IGSF9: variants seen among roughly 807,000 people sequenced by gnomAD.
The protein encoded by IGSF9 is protein turtle homolog A.
IGSF9 carries 87 observed loss-of-function variants against 121.7 expected under a neutral mutation model. The observed-to-expected ratio is 0.71, with a 90% CI of 0.60 to 0.85. The LOEUF is 0.85. Among genes scored for constraint, IGSF9 ranks in the 40% least tolerant of loss-of-function variants. The probability of loss-of-function intolerance (pLI) is 0.00; values close to 1 mark genes in which losing one functional copy is unlikely to be tolerated. For missense variants in IGSF9, 1,462 were observed against 1,565.3 expected (o/e 0.93, Z 1.11); for synonymous variants, 640 against 648.4 (o/e 0.99, Z 0.20).
chr1:159,939,989 T>C (rs1288785464), intron 3 of IGSF9, among the ~76,000 whole-genome samples: 1 of 152,186 alleles, frequency 6.6e-6, no homozygotes, highest in Non-Finnish European at 1.5e-5. Flanking sequence ...CATGATACTT[T>C]TCATTATAGC....
chr1:159,933,781 C>G, intron 9 of IGSF9: 1 of 257,824 alleles, frequency 3.9e-6, no homozygotes, highest in Non-Finnish European at 7.6e-6. Context: ...GTCCTCTGCC[C>G]AGATGGTGCC....
At position 159,936,764 on chromosome 1, in the gene IGSF9, C is replaced by T. The variant is rs747687638; in HGVS notation, c.545G>A (p.Gly182Asp). The change falls in exon 5 of 21, where the codon GGC becomes GAC. Residue 182 changes from glycine (G) to aspartate (D), a missense_variant. Coordinates refer to ENST00000368094, the MANE Select transcript of IGSF9 (RefSeq NM_001135050.2). ...LRGKDLGQGQ[G>D]QVQVQNGTLR... ...ACCCCCAGGACTCACTTGCACCTGG[C>T]CCTGGCCCTGGCCAAGGTCCTTTCC... is the stretch of plus-strand genomic sequence containing the variant. 1.9e-6 allele frequency: 3 copies of T among 1,614,134 alleles called. No homozygotes were observed. The highest frequency in any genetic ancestry group is 3.3e-4 in the Middle Eastern group (2 of 6,058).
At chr1:159,937,965 T>A in intron 3 of IGSF9, 127 bp from the exon 4 acceptor site, 1 of 1,030,110 alleles carries the variant, frequency 9.7e-7, no homozygotes, top group Non-Finnish European at 1.4e-6. Flanking sequence ...GAGTGTGGGG[T>A]CCAGAGAGAC....
intron 6 of IGSF9, 64 bp from the exon 7 acceptor site, chr1:159,934,886 AC>A (rs1651133606): frequency 6.3e-7 from 1 of 1,585,524 alleles, no homozygotes; most frequent in Non-Finnish European, 8.6e-7. Flanking sequence ...CCCTGAGGTC[AC>A]CTCTACAACT....
intron 4 of IGSF9, among the ~76,000 whole-genome samples, chr1:159,937,471 G>T (rs1651231531): frequency 6.6e-6 from 1 of 152,020 alleles, no homozygotes; most frequent in Non-Finnish European, 1.5e-5. Context: ...AAGGCTGATT[G>T]AATTTATATT....
rs757785003 is a variant in IGSF9, at chr1:159,931,591, G to GC, written c.1374dup (p.Leu459AlafsTer49). On this transcript the variant is annotated frameshift_variant, in exon 12 of 21. Transcript: ENST00000368094. LOFTEE classifies it high-confidence loss of function. The surrounding 1 kb of genome is among the most constrained non-coding windows in gnomAD (Gnocchi z 4.8). ...CTGTCCACCTGGGCCTGGCCTTGCA[G>GC]CCCCCGGCCCACCTACAGAACCACT... 1.2e-6 allele frequency: 2 copies of GC among 1,613,824 alleles called. No homozygotes were observed. Among genetic ancestry groups the GC allele is most frequent in the Non-Finnish European group, 1.7e-6 (2 of 1,179,950 alleles).
intron 19 of IGSF9, 100 bp from the exon 20 acceptor site, chr1:159,927,987 A>T (rs962704229): frequency 6.6e-6 from 10 of 1,504,434 alleles, no homozygotes; most frequent in African/African-American, 1.4e-5. Context: ...ACGTTAGGTC[A>T]TGGGTTTCCC....
chr1:159,943,276 T>C lies in IGSF9; in HGVS notation c.58+121A>G, dbSNP rs1018760837. 8 of 1,329,116 alleles carry C rather than the reference T, an allele frequency of 6.0e-6. No homozygotes were observed. In the African/African-American group the frequency reaches 1.0e-4, roughly 17 times the overall value. 82.3% of individuals were successfully genotyped at this position (1,329,116 alleles called of 1,614,324 possible). A position where few individuals can be genotyped will look rare whatever the true frequency, so the allele number is the denominator to read the frequency against. On this transcript the variant is annotated intron_variant, in intron 2 of 20. Coordinates refer to ENST00000368094, the MANE Select transcript of IGSF9 (RefSeq NM_001135050.2). ...GACTGGAGAAACCCCCAGTTCAGCT[T>C]CTCCAGAACCAGCCCTATTCCTCCC...
chr1:159,929,986 G>T lies in IGSF9; in HGVS notation c.2065-11C>A, dbSNP rs751451931. ...CTCGTAGAGAACATCCTGCGATGGG[G>T]ATGGGGTACCAGGAGGGAGGTCAGG... On this transcript the variant is annotated splice_polypyrimidine_tract_variant and intron_variant, in intron 15 of 20. Coordinates refer to ENST00000368094, the MANE Select transcript of IGSF9 (RefSeq NM_001135050.2). 7.5e-6 allele frequency: 12 copies of T among 1,592,976 alleles called. 1 individual carries two copies. Among genetic ancestry groups the T allele is most frequent in the Middle Eastern group, 3.3e-4 (2 of 6,046 alleles).
Position 159,930,258 on chromosome 1 carries a change from C to T in IGSF9, c.1995G>A (p.Gln665=). 6.2e-7 allele frequency: 1 copy of T among 1,613,872 alleles called. No homozygotes were observed. Among genetic ancestry groups the T allele is most frequent in the African/African-American group, 1.3e-5 (1 of 74,958 alleles). Residue 665 remains glutamine, a synonymous_variant, in exon 15 of 21, where the codon CAG becomes CAA. Coordinates refer to ENST00000368094, the MANE Select transcript of IGSF9 (RefSeq NM_001135050.2). ...GYVLEGRQGS[Q]GWEVLDPAVA... ...CAGCCGGGTCCAGCACCTCCCAGCC[C>T]TGGGAGCCTTGCCGGCCTTCCAAGA...
chr1:159,934,403 G>A (rs1302929104), intron 8 of IGSF9, 22 bp downstream of exon 8: 1 of 1,570,920 alleles, frequency 6.4e-7, no homozygotes, highest in Non-Finnish European at 8.6e-7. Context: ...CAGGCTGAGG[G>A]AGAAGCTGGG....
chr1:159,928,065 G>C, intron 19 of IGSF9, 93 bp downstream of exon 19: 1 of 1,508,932 alleles, frequency 6.6e-7, no homozygotes. Context: ...CAGGGTGGGA[G>C]TGGAGCAGAG....
At chr1:159,934,595 G>A in intron 7 of IGSF9, 25 bp from the exon 8 acceptor site, 7 of 1,613,268 alleles carry the variant, frequency 4.3e-6, no homozygotes, top group South Asian at 1.1e-5. Context: ...GTGTGAGGAG[G>A]GGTCCAGGCC....
rs577004141 is a variant in IGSF9, at chr1:159,932,323, C to G, written c.1245+189G>C. ...TGTGTGTGACTGATGTCCCACCTCC[C>G]GAGCACCACCTCTGCAGAAACCTCT... On this transcript the variant is annotated intron_variant, in intron 10 of 20. Coordinates refer to ENST00000368094, the MANE Select transcript of IGSF9 (RefSeq NM_001135050.2). This position sits in a 1 kb window ranked among gnomAD's most constrained non-coding sequence, Gnocchi z 4.1. The G allele has an allele frequency of 1.6e-6, 1 of 620,654 alleles. No individual in the cohort carries two copies. The highest frequency in any genetic ancestry group is 2.9e-5 in the Admixed American group (1 of 34,290). 38.4% of individuals were successfully genotyped at this position (620,654 alleles called of 1,614,324 possible).
chr1:159,937,841 G>C lies in IGSF9; in HGVS notation c.248-3C>G. The C allele has an allele frequency of 6.2e-7, 1 of 1,612,924 alleles. No homozygotes were observed. Among genetic ancestry groups the C allele is most frequent in the Non-Finnish European group, 8.5e-7 (1 of 1,179,434 alleles). On this transcript the variant is annotated splice_region_variant and splice_polypyrimidine_tract_variant and intron_variant, in intron 3 of 20. Coordinates refer to ENST00000368094, the MANE Select transcript of IGSF9 (RefSeq NM_001135050.2). ...CCCCTTCTGCAGCCGGACTCGTCCT[G>C]GGGGAGGAGCCCTGAATCAAGGGTG... is the stretch of plus-strand genomic sequence containing the variant.
At chr1:159,929,598 C>G in intron 17 of IGSF9, 40 bp downstream of exon 17, 1 of 1,570,794 alleles carries the variant, frequency 6.4e-7, no homozygotes, top group Non-Finnish European at 8.6e-7. Flanking sequence ...GAGGCTAGGC[C>G]CAAGTGCGCA....
Position 159,929,762 on chromosome 1 carries a change from G to T in IGSF9, c.2202C>A (p.Pro734=), listed in dbSNP as rs573800058. Residue 734 remains proline (P), a synonymous_variant, in exon 17 of 21, where the codon CCC becomes CCA. Coordinates refer to ENST00000368094, the MANE Select transcript of IGSF9 (RefSeq NM_001135050.2). Reference sequence around the variant, plus strand: ...CTCCGCCCACCACGCCGGCCAGCACGGGCTGAGGCAGGAGGCCCGGCAGCT... The same window carrying T: ...CTCCGCCCACCACGCCGGCCAGCACTGGCTGAGGCAGGAGGCCCGGCAGCT... ...RTQLPGLLPQ[P]VLAGVVGGVC... 7 of 1,606,042 alleles carry T rather than the reference G, an allele frequency of 4.4e-6. No individual in the cohort carries two copies. The highest frequency in any genetic ancestry group is 1.3e-5 in the African/African-American group (1 of 74,818).
chr1:159,938,313 G>A (rs569174627), intron 3 of IGSF9, among the ~76,000 whole-genome samples: 4 of 152,092 alleles, frequency 2.6e-5, no homozygotes, highest in Non-Finnish European at 2.9e-5. Context: ...CCCAGACCCC[G>A]CCTGCCAAAG....
chr1:159,942,987 G>C lies in IGSF9; in HGVS notation c.223C>G (p.Pro75Ala). The C allele has an allele frequency of 6.2e-7, 1 of 1,613,366 alleles. No individual in the cohort carries two copies. The highest frequency in any genetic ancestry group is 1.7e-5 in the Admixed American group (1 of 59,842). ...CCCACGTAATCAGGGTCAATTCGGG[G>C]AGAGTAGAGGCCGAACTGGATGAAG... Reference protein sequence around the residue: ...PIFIQFGLYSPRIDPDYVGRV... With the variant: ...PIFIQFGLYSARIDPDYVGRV... Residue 75 changes from proline (P) to alanine (A), a missense_variant, in exon 3 of 21, where the codon CCC becomes GCC. Physicochemically the swap from Pro to Ala is conservative, Grantham distance 27. Transcript: ENST00000368094.
Sources: gnomAD v4.1 joint callset for allele counts (sites outside exome capture counted in the v4.1 genomes callset) on GRCh38, gnomAD v4.1.1 for gene constraint, Gnocchi (gnomAD v3.1) non-coding constraint, MANE v1.5 for transcripts, NCBI Gene and HGNC (gene_info 2026-07-23, HGNC 2026-07-21) for gene names.